The following VTI1A variants were observed in gnomAD, a reference collection of about 807,000 sequenced individuals.
VTI1A encodes the protein vesicle transport through interaction with t-SNAREs 1A.
Under a neutral mutation model 34.9 loss-of-function variants are expected in VTI1A, and 22 were observed. The observed-to-expected ratio is 0.63, with a 90% CI of 0.45 to 0.90. The LOEUF is 0.90. VTI1A is among the 40% of genes least tolerant of loss of function. The pLI, the probability that VTI1A is intolerant of heterozygous loss-of-function variation, is 0.00. For missense variants in VTI1A, 268 were observed against 275.6 expected (o/e 0.97, Z 0.20); for synonymous variants, 87 against 97.3 (o/e 0.89, Z 0.62).
intron 7 of VTI1A, among the ~76,000 whole-genome samples, chr10:112,771,285 G>T (rs1176814947): frequency 6.6e-6 from 1 of 152,254 alleles, no homozygotes; most frequent in African/African-American, 2.4e-5. Context: ...AACACGCAGT[G>T]TGGAGCCTGG....
chr10:112,845,023 A>G, the VTI1A span, among the ~76,000 whole-genome samples: 4 of 151,920 alleles, frequency 2.6e-5, no homozygotes, highest in African/African-American at 9.7e-5. Flanking sequence ...ACTGATGTCA[A>G]CTCCAGAGGA....
At chr10:112,463,627 T>TAA (rs77183033) in intron 2 of VTI1A, among the ~76,000 whole-genome samples, 4 of 144,152 alleles carry the variant, frequency 2.8e-5, no homozygotes, top group African/African-American at 5.1e-5. Context: ...AGCAGGTTGT[T>TAA]AAAAAAAAAA....
At chr10:112,541,443 T>C (rs1850865896) in intron 5 of VTI1A, among the ~76,000 whole-genome samples, 1 of 152,232 alleles carries the variant, frequency 6.6e-6, no homozygotes, top group Non-Finnish European at 1.5e-5. Flanking sequence ...AAGAGAGCTC[T>C]GTTAAAATCA....
At chr10:112,827,250 C>T in the VTI1A span, 1 of 152,202 alleles carries the variant, frequency 6.6e-6, no homozygotes, top group Non-Finnish European at 1.5e-5. Flanking sequence ...TGAGCGATCG[C>T]GCTCCTTCCC....
chr10:112,825,848 T>G, the VTI1A span: 5 of 152,350 alleles, frequency 3.3e-5, no homozygotes, highest in East Asian at 9.7e-4. Context: ...AGTGTGCCGC[T>G]TTGATAATTC....
At chr10:112,687,154 C>A (rs1337998417) in intron 7 of VTI1A, among the ~76,000 whole-genome samples, 2 of 150,386 alleles carry the variant, frequency 1.3e-5, no homozygotes, top group African/African-American at 2.5e-5. Context: ...GATCAGAGAG[C>A]CTGGATAGGC....
At chr10:112,733,899 T>C (rs1052769435) in intron 7 of VTI1A, among the ~76,000 whole-genome samples, 4 of 151,702 alleles carry the variant, frequency 2.6e-5, no homozygotes, top group Non-Finnish European at 5.9e-5. Flanking sequence ...ATTACAGGGG[T>C]GCACCACCAC....
chr10:112,496,386 A>G (rs1849028387), intron 3 of VTI1A, among the ~76,000 whole-genome samples: 1 of 152,088 alleles, frequency 6.6e-6, no homozygotes, highest in Non-Finnish European at 1.5e-5. Context: ...CCTGGCCAAC[A>G]TGGTGAAACT....
At chr10:112,834,647 C>T in the VTI1A span, among the ~76,000 whole-genome samples, 5 of 152,332 alleles carry the variant, frequency 3.3e-5, no homozygotes, top group South Asian at 1.0e-3. Flanking sequence ...TCTCCCCTCT[C>T]TGCTGACAAC....
In VTI1A at chr10:112,544,872, C is replaced by T. The variant is rs117972471; in HGVS notation, c.427+6542C>T. ...ATGAAGTGAGCCAGGGAGCACGGGGCATGATTAGGGCAGTCAAGTGGGGCA... is the reference window on the plus strand; with the variant it reads ...ATGAAGTGAGCCAGGGAGCACGGGGTATGATTAGGGCAGTCAAGTGGGGCA... On this transcript the variant is annotated intron_variant, in intron 5 of 7. Coordinates refer to ENST00000393077, the MANE Select transcript of VTI1A (RefSeq NM_145206.4). Among the ~76,000 whole-genome samples the T allele has an allele frequency of 9.0e-3, 1,372 of 152,132 alleles. 15 individuals carry two copies. Among genetic ancestry groups the T allele is most frequent in the Non-Finnish European group, 0.015 (1,048 of 67,994 alleles).
At chr10:112,716,460 T>A (rs1459722643) in intron 7 of VTI1A, among the ~76,000 whole-genome samples, 4 of 152,208 alleles carry the variant, frequency 2.6e-5, no homozygotes, top group Non-Finnish European at 5.9e-5. Context: ...AATTTGAGTA[T>A]AACATACCCA....
chr10:112,716,749 A>G (rs1026449448), intron 7 of VTI1A, among the ~76,000 whole-genome samples: 4 of 152,160 alleles, frequency 2.6e-5, no homozygotes, highest in Non-Finnish European at 5.9e-5. Context: ...TGGATTAGAG[A>G]TATTCAACTG....
At chr10:112,735,958 G>A (rs1021884259) in intron 7 of VTI1A, among the ~76,000 whole-genome samples, 1 of 150,260 alleles carries the variant, frequency 6.7e-6, no homozygotes, top group African/African-American at 2.4e-5. Flanking sequence ...AGGTAAAGTA[G>A]AATTTGCACA....
At chr10:112,581,135 G>T (rs1392414293) in intron 5 of VTI1A, among the ~76,000 whole-genome samples, 1 of 152,166 alleles carries the variant, frequency 6.6e-6, no homozygotes, top group Admixed American at 6.5e-5. Context: ...GGGAGCTCTG[G>T]CAGAAGATGG....
At chr10:112,763,776 A>G (rs889250968) in intron 7 of VTI1A, among the ~76,000 whole-genome samples, 4 of 152,132 alleles carry the variant, frequency 2.6e-5, no homozygotes, top group African/African-American at 4.8e-5. Context: ...TAAAATGCAC[A>G]TCGAGGTCAT....
At chr10:112,716,347 C>G (rs757196040) in intron 7 of VTI1A, among the ~76,000 whole-genome samples, 1 of 152,212 alleles carries the variant, frequency 6.6e-6, no homozygotes, top group Non-Finnish European at 1.5e-5. Flanking sequence ...GCTGTTGAGA[C>G]ATGGCAGGCC....
chr10:112,534,603 G>A (rs1207497563), intron 4 of VTI1A, among the ~76,000 whole-genome samples: 4 of 151,992 alleles, frequency 2.6e-5, no homozygotes, highest in Non-Finnish European at 5.9e-5. Flanking sequence ...CATTACTGAT[G>A]TCCTCCCTCA....
chr10:112,815,473 C>A lies in VTI1A; in HGVS notation c.*90C>A. On this transcript the variant is annotated 3_prime_UTR_variant, in exon 8 of 8. Transcript: ENST00000393077. ...CACATGAATCATTCTGTTGCGCTGA[C>A]AGGCCCCAGGTGACCCTCTCTCTCC... 1 of 1,159,086 alleles carries A rather than the reference C, an allele frequency of 8.6e-7. No individual in the cohort carries two copies. The highest frequency in any genetic ancestry group is 1.5e-5 in the African/African-American group (1 of 66,270). 71.8% of individuals were successfully genotyped at this position (1,159,086 alleles called of 1,614,324 possible). A position where few individuals can be genotyped will look rare whatever the true frequency, so the allele number is the denominator to read the frequency against.
intron 5 of VTI1A, among the ~76,000 whole-genome samples, chr10:112,631,752 T>C (rs1846138497): frequency 6.6e-6 from 1 of 152,180 alleles, no homozygotes; most frequent in South Asian, 2.1e-4. Flanking sequence ...CGCAGGAAGC[T>C]CTGGAACAAA....
Sources: allele counts gnomAD v4.1 joint callset (sites outside exome capture counted in the v4.1 genomes callset), GRCh38; gene constraint gnomAD v4.1.1; transcripts MANE v1.5; gene names NCBI Gene and HGNC (gene_info 2026-07-23, HGNC 2026-07-21).